The following ZNF333 variants were observed in gnomAD, a reference collection of about 807,000 sequenced individuals.
ZNF333 encodes zinc finger protein 333.
ZNF333 carries 61 observed loss-of-function variants against 76.1 expected under a neutral mutation model. That is an observed-to-expected ratio of 0.80 (90% confidence interval 0.65 to 0.99). The LOEUF (loss-of-function observed/expected upper bound fraction) is 0.99. Among genes scored for constraint, ZNF333 ranks in the 50% least tolerant of loss-of-function variants. The pLI is 0.00. For missense variants in ZNF333, 717 were observed against 822.4 expected, an observed-to-expected ratio of 0.87 and a Z score of 1.57; for synonymous variants, 284 against 305.0, an observed-to-expected ratio of 0.93 and a Z score of 0.72.
At chr19:14,701,016 C>G (rs1190715305) in intron 5 of ZNF333, among the ~76,000 whole-genome samples, 1 of 152,206 alleles carries the variant, frequency 6.6e-6, no homozygotes, top group African/African-American at 2.4e-5. Flanking sequence ...CTGCAACAGA[C>G]CCCTGGGCAG....
chr19:14,706,806 A>G lies in ZNF333; in HGVS notation c.511+33A>G, dbSNP rs751350062. ...AGTGCTGCGTGGAACACGTGGCCAG[A>G]GGGCCCTGCTGTCCTTGTGTTCTGT... On this transcript the variant is annotated intron_variant, in intron 7 of 11. Coordinates refer to ENST00000292530, the MANE Select transcript of ZNF333 (RefSeq NM_032433.4). The G allele has an allele frequency of 3.2e-6, 5 of 1,579,358 alleles. No individual in the cohort carries two copies. The South Asian group carries it at 4.5e-5, about 14-fold the overall frequency.
At chr19:14,706,088 C>T in intron 6 of ZNF333, 1 of 457,516 alleles carries the variant, frequency 2.2e-6, no homozygotes, top group Non-Finnish European at 4.4e-6. Flanking sequence ...AACCCACCTC[C>T]AGCTGCCTCT....
At chr19:14,693,549 G>C in intron 2 of ZNF333, 55 bp downstream of exon 2, 1 of 1,579,016 alleles carries the variant, frequency 6.3e-7, no homozygotes, top group Non-Finnish European at 8.7e-7. Flanking sequence ...GGATAACTAT[G>C]TCCTCTGGGC....
chr19:14,718,192 AAGGCCTTT>A lies in ZNF333; in HGVS notation c.901-35_901-28del, dbSNP rs777729807. On this transcript the variant is annotated intron_variant, in intron 11 of 11. Coordinates refer to ENST00000292530, the MANE Select transcript of ZNF333 (RefSeq NM_032433.4). Reference sequence around the variant, plus strand: ...AGGGGAGAATATCTGTGAATCTAATAAGGCCTTTGGTCTTCACATTTTCCTTCATCGAC... The same window carrying A: ...AGGGGAGAATATCTGTGAATCTAATAGGTCTTCACATTTTCCTTCATCGAC... 9 of 1,565,916 alleles carry A rather than the reference AAGGCCTTT, an allele frequency of 5.7e-6. No homozygotes were observed. In the African/African-American group the frequency reaches 1.2e-4, roughly 22 times the overall value.
chr19:14,718,088 T>C (rs2042488486), intron 11 of ZNF333, 140 bp from the exon 12 acceptor site: 1 of 1,190,476 alleles, frequency 8.4e-7, no homozygotes, highest in African/African-American at 1.5e-5. Flanking sequence ...GAAGGAACTC[T>C]GGATAGAAAT....
At position 14,727,219 on chromosome 19, in the gene ZNF333, A is replaced by G. The variant is rs374530584; in HGVS notation, c.901-3956A>G. Among the ~76,000 whole-genome samples the G allele has an allele frequency of 4.6e-4, 70 of 152,002 alleles. No individual in the cohort carries two copies. The East Asian group carries it at 6.4e-3, about 14-fold the overall frequency. On this transcript the variant is annotated intron_variant, in intron 11 of 11. Transcript: ENST00000540689. ...ATTTTTTTGTATTTTTAGTAGAGACAGGGTTTCACCGTGCTAGCCAGGATG... is the reference window on the plus strand; with the variant it reads ...ATTTTTTTGTATTTTTAGTAGAGACGGGGTTTCACCGTGCTAGCCAGGATG...
At position 14,720,366 on chromosome 19, in the gene ZNF333, A is replaced by G; in HGVS notation, c.*1041A>G. 7.1e-6 allele frequency: 7 copies of G among 985,402 alleles called. No individual in the cohort carries two copies. Among genetic ancestry groups the G allele is most frequent in the Non-Finnish European group, 8.4e-6 (7 of 829,932 alleles). 61.0% of individuals were successfully genotyped at this position (985,402 alleles called of 1,614,324 possible). A position where few individuals can be genotyped will look rare whatever the true frequency, so the allele number is the denominator to read the frequency against. ...CATCTCTCCACTTCTTGCCTTTTGG[A>G]CAAGTAGACATGATTTCTAGACCTA... is the stretch of plus-strand genomic sequence containing the variant. On this transcript the variant is annotated 3_prime_UTR_variant, in exon 12 of 12. Coordinates refer to ENST00000292530, the MANE Select transcript of ZNF333 (RefSeq NM_032433.4).
chr19:14,716,705 C>A (rs561932679), intron 9 of ZNF333, among the ~76,000 whole-genome samples: 2 of 152,312 alleles, frequency 1.3e-5, no homozygotes, highest in East Asian at 3.9e-4. Context: ...GAATGAAGAT[C>A]TTTTTACTGC....
intron 4 of ZNF333, among the ~76,000 whole-genome samples, chr19:14,697,535 A>T (rs1002342954): frequency 2.0e-5 from 3 of 150,150 alleles, no homozygotes; most frequent in Non-Finnish European, 4.4e-5. Context: ...CTAATTTTAA[A>T]TTTTTTTCTA....
At chr19:14,733,317 TA>T (rs1467097861) in exon 12 of ZNF333, 2 of 152,088 alleles carry the variant, frequency 1.3e-5, no homozygotes, top group Non-Finnish European at 1.5e-5. Context: ...ATTACTTTTT[TA>T]AAAACTATAA....
At chr19:14,717,879 C>A in intron 11 of ZNF333, 146 bp downstream of exon 11, 1 of 748,918 alleles carries the variant, frequency 1.3e-6, no homozygotes, top group Non-Finnish European at 2.2e-6. Context: ...GGGAGAGAGT[C>A]CGTGAATGTC....
At chr19:14,709,410 A>G (rs1412699694) in intron 7 of ZNF333, among the ~76,000 whole-genome samples, 1 of 152,222 alleles carries the variant, frequency 6.6e-6, no homozygotes, top group Non-Finnish European at 1.5e-5. Flanking sequence ...GGGGTGAGAT[A>G]AGATACTAGG....
intron 6 of ZNF333, among the ~76,000 whole-genome samples, chr19:14,705,659 C>T (rs866167311): frequency 4.5e-4 from 69 of 152,328 alleles, no homozygotes; most frequent in Middle Eastern, 6.8e-3. Flanking sequence ...CAGTACTAGC[C>T]CCTAGCTTGT....
intron 7 of ZNF333, among the ~76,000 whole-genome samples, chr19:14,707,554 T>TC (rs1334025046): frequency 6.9e-6 from 1 of 145,490 alleles, no homozygotes; most frequent in Non-Finnish European, 1.5e-5. Flanking sequence ...TGTTTCTTTT[T>TC]TTTTTTTTTT....
At chr19:14,718,175 A>G in intron 11 of ZNF333, 53 bp from the exon 12 acceptor site, 2 of 1,546,814 alleles carry the variant, frequency 1.3e-6, no homozygotes, top group Admixed American at 2.1e-5. Flanking sequence ...ATAGGGGAGA[A>G]TATCTGTGAA....
downstream of ZNF333, among the ~76,000 whole-genome samples, chr19:14,726,849 T>A (rs2042635706): frequency 6.6e-6 from 1 of 152,068 alleles, no homozygotes; most frequent in Admixed American, 6.6e-5. Flanking sequence ...CTCCAAGAAG[T>A]TCCAAACTTT....
chr19:14,692,639 A>T (rs1385428488), intron 1 of ZNF333, among the ~76,000 whole-genome samples: 1 of 151,910 alleles, frequency 6.6e-6, no homozygotes, highest in East Asian at 1.9e-4. Flanking sequence ...CAGCTTCCTG[A>T]GTAGCTGGGA....
At chr19:14,698,408 G>C (rs113292129) in intron 4 of ZNF333, among the ~76,000 whole-genome samples, 4 of 150,782 alleles carry the variant, frequency 2.7e-5, no homozygotes, top group Non-Finnish European at 5.9e-5. Flanking sequence ...AGCTGGGCAT[G>C]GTGGTGCATG....
chr19:14,721,097 A>G lies in ZNF333; in HGVS notation c.*1772A>G. On this transcript the variant is annotated 3_prime_UTR_variant, in exon 12 of 12. Transcript: ENST00000292530. ...TAGTAGCCACTGCCTGAAGCTTTGCATCTTTTAATTTAGTCCTCACACTGA... is the reference window on the plus strand; with the variant it reads ...TAGTAGCCACTGCCTGAAGCTTTGCGTCTTTTAATTTAGTCCTCACACTGA... The G allele has an allele frequency of 2.0e-6, 1 of 504,724 alleles. No homozygotes were observed. The highest frequency in any genetic ancestry group is 2.1e-5 in the African/African-American group (1 of 47,832). 31.3% of individuals were successfully genotyped at this position (504,724 alleles called of 1,614,324 possible).
Sources: allele counts gnomAD v4.1 joint callset (sites outside exome capture counted in the v4.1 genomes callset), GRCh38; gene constraint gnomAD v4.1.1; transcripts MANE v1.5; gene names NCBI Gene and HGNC (gene_info 2026-07-23, HGNC 2026-07-21).